Variants in NKX2-5 observed in about 807,000 individuals in gnomAD.
The protein encoded by NKX2-5 is homeobox protein Nkx-2.5.
A neutral mutation model predicts 24.5 loss-of-function variants in NKX2-5; 3 were observed. That is an observed-to-expected ratio of 0.12 (90% CI 0.06 to 0.32). The LOEUF is 0.32. Ranked by LOEUF, NKX2-5 falls within the 10% of genes least tolerant of loss-of-function variation. The probability of loss-of-function intolerance (pLI) is 1.00; values close to 1 mark genes in which losing one functional copy is unlikely to be tolerated. For synonymous variants in NKX2-5, 215 were observed against 217.6 expected, an observed-to-expected ratio of 0.99 and a Z score of 0.11; for missense variants, 429 against 452.4, an observed-to-expected ratio of 0.95 and a Z score of 0.47.
At position 173,235,111 on chromosome 5, in the gene NKX2-5, G is replaced by C; in HGVS notation, c.-28C>G. The stretch of plus-strand genomic sequence containing the variant: ...TGGCAGCGCCAGTCTCACAGCGCCA[G>C]GTGGGCGGCAGAAAGCGGCGCTGCC... On this transcript the variant is annotated 5_prime_UTR_variant, in exon 1 of 2. Transcript: ENST00000329198. 1.3e-6 allele frequency: 2 copies of C among 1,583,714 alleles called. No homozygotes were observed. Among genetic ancestry groups the C allele is most frequent in the South Asian group, 1.1e-5 (1 of 87,132 alleles).
At chr5:173,233,331 G>C in intron 1 of NKX2-5, 122 bp from the exon 2 acceptor site, 1 of 1,537,306 alleles carries the variant, frequency 6.5e-7, no homozygotes, top group African/African-American at 1.4e-5. Context: ...GGAGCGCCCA[G>C]CTGGCTGCGG....
Position 173,232,482 on chromosome 5 carries a change from G to A in NKX2-5, c.*87C>T. On this transcript the variant is annotated 3_prime_UTR_variant, in exon 2 of 2. Transcript: ENST00000329198. The surrounding 1 kb of genome is among the most constrained non-coding windows in gnomAD (Gnocchi z 5.9). ...TGAATGCAAAATCCAGGGGACTCAG[G>A]GTCATGTTGGGAGCCCCTTCTCCCC... 1 of 1,564,962 alleles carries A rather than the reference G, an allele frequency of 6.4e-7. No individual in the cohort carries two copies. The highest frequency in any genetic ancestry group is 1.3e-5 in the African/African-American group (1 of 74,344).
chr5:173,233,320 T>C (rs1267123095), intron 1 of NKX2-5, 111 bp from the exon 2 acceptor site: 5 of 1,538,540 alleles, frequency 3.2e-6, no homozygotes, highest in Non-Finnish European at 4.4e-6. Flanking sequence ...GTGTCCTGCC[T>C]GGAGCGCCCA....
Position 173,232,563 on chromosome 5 carries a change from C to G in NKX2-5, c.*6G>C, listed in dbSNP as rs760405249. On this transcript the variant is annotated 3_prime_UTR_variant, in exon 2 of 2. Coordinates refer to ENST00000329198, the MANE Select transcript of NKX2-5 (RefSeq NM_004387.4). The surrounding 1 kb of genome is among the most constrained non-coding windows in gnomAD (Gnocchi z 5.9). ...CGGTCAGGGTCGCGCCACGCGGGTC[C>G]CTTCCCTACCAGGCTCGGATACCAT... The G allele has an allele frequency of 6.2e-7, 1 of 1,606,356 alleles. No homozygotes were observed. Among genetic ancestry groups the G allele is most frequent in the Non-Finnish European group, 8.5e-7 (1 of 1,179,946 alleles).
chr5:173,232,568 C>T lies in NKX2-5; in HGVS notation c.*1G>A. 2 of 1,607,418 alleles carry T rather than the reference C, an allele frequency of 1.2e-6. No homozygotes were observed. Among genetic ancestry groups the T allele is most frequent in the Non-Finnish European group, 1.7e-6 (2 of 1,179,962 alleles). ...AGGGTCGCGCCACGCGGGTCCCTTC[C>T]CTACCAGGCTCGGATACCATGCAGC... On this transcript the variant is annotated 3_prime_UTR_variant, in exon 2 of 2. Transcript: ENST00000329198. This position sits in a 1 kb window ranked among gnomAD's most constrained non-coding sequence, Gnocchi z 5.9.
Position 173,233,134 on chromosome 5 carries a change from C to T in NKX2-5, c.410G>A (p.Arg137Gln), listed in dbSNP as rs761127819. 3.1e-5 allele frequency: 49 copies of T among 1,601,848 alleles called. 2 individuals are homozygous for T. In the South Asian group the frequency reaches 5.4e-4, roughly 17 times the overall value. ...GAAGAGCACGCGCGGCTTCCTCCGC[C>T]GTCGCGCCCGGGGCCGCTCCGCGTT... Reference protein sequence around the residue: ...ADNAERPRARRRRKPRVLFSQ... With the variant: ...ADNAERPRARQRRKPRVLFSQ... Residue 137 changes from arginine (R) to glutamine (Q), a missense_variant, in exon 2 of 2, where the codon CGG becomes CAG. Physicochemically the swap from Arg to Gln is conservative, Grantham distance 43. Around this residue, in one of 3 missense-constraint regions of NKX2-5, gnomAD observed 240 missense variants for 240.4 expected, o/e 1.00. Transcript: ENST00000329198.
At position 173,235,014 on chromosome 5, in the gene NKX2-5, G is replaced by A; in HGVS notation, c.70C>T (p.Gln24Ter). The part of the protein sequence containing the change: ...VKDILNLEQQ[Q>*]RSLAAAGELS... ...TCTCCGGCGGCAGCCAGGCTGCGCT[G>A]CTGCTGTTCCAGGTTTAGGATGTCT... The change falls in exon 1 of 2, where the codon CAG (glutamine) becomes TAG (stop). Residue 24 changes from glutamine (Q) to a stop codon, truncating the protein, a stop_gained. Coordinates refer to ENST00000329198, the MANE Select transcript of NKX2-5 (RefSeq NM_004387.4). LOFTEE classifies it high-confidence loss of function. 1 of 1,612,322 alleles carries A rather than the reference G, an allele frequency of 6.2e-7. No homozygotes were observed. The highest frequency in any genetic ancestry group is 1.3e-5 in the African/African-American group (1 of 74,960).
rs1165063212 is a variant in NKX2-5, at chr5:173,232,778, A to T, written c.766T>A (p.Tyr256Asn). ...NPYGYNAYPA[Y>N]PGYGGAACSP... ...CAGGCCGCGCCGCCGTAACCCGGAT[A>T]GGCGGGGTAGGCGTTATAACCGTAG... Residue 256 changes from tyrosine to asparagine, a missense_variant, in exon 2 of 2, where the codon TAT (tyrosine) becomes AAT (asparagine). By Grantham distance (143) the Tyr-to-Asn change is moderately radical (BLOSUM62 -2). This residue lies in a region of NKX2-5 where 183 missense variants were observed against 185.9 expected (regional missense o/e 0.98). Coordinates refer to ENST00000329198, the MANE Select transcript of NKX2-5 (RefSeq NM_004387.4). This position sits in a 1 kb window ranked among gnomAD's most constrained non-coding sequence, Gnocchi z 5.9. The T allele has an allele frequency of 6.2e-7, 1 of 1,609,978 alleles. No individual in the cohort carries two copies. Among genetic ancestry groups the T allele is most frequent in the Non-Finnish European group, 8.5e-7 (1 of 1,178,352 alleles).
chr5:173,233,566 G>T (rs1761390143), intron 1 of NKX2-5: 4 of 818,092 alleles, frequency 4.9e-6, no homozygotes, highest in South Asian at 3.4e-5. Context: ...TGATGCTCTG[G>T]GGTGAACTGA....
chr5:173,234,941 A>C lies in NKX2-5; in HGVS notation c.143T>G (p.Leu48Arg). ...EATLAPSSCM[L>R]AAFKPEAYAG... ...GTAGGCCTCTGGCTTGAAGGCGGCC[A>C]GCATGCAGGAGGAGGGCGCCAGGGT... is the stretch of plus-strand genomic sequence containing the variant. Residue 48 changes from leucine (L) to arginine (R), a missense_variant, in exon 1 of 2, where the codon CTG (leucine) becomes CGG (arginine). Physicochemically the swap from Leu to Arg is moderately radical, Grantham distance 102 (BLOSUM62 -2). Coordinates refer to ENST00000329198, the MANE Select transcript of NKX2-5 (RefSeq NM_004387.4). 6 of 1,611,514 alleles carry C rather than the reference A, an allele frequency of 3.7e-6. No individual in the cohort carries two copies. The highest frequency in any genetic ancestry group is 5.1e-6 in the Non-Finnish European group (6 of 1,179,250).
chr5:173,234,056 C>T (rs1481191818), intron 1 of NKX2-5: 1 of 1,289,406 alleles, frequency 7.8e-7, no homozygotes, highest in African/African-American at 1.5e-5. Flanking sequence ...TCATCTCGTC[C>T]ACTCCCTTGT....
chr5:173,234,697 T>TG, intron 1 of NKX2-5, 53 bp downstream of exon 1: 1 of 1,422,320 alleles, frequency 7.0e-7, no homozygotes, highest in Non-Finnish European at 9.3e-7. Flanking sequence ...CTGAGTTTCT[T>TG]GGGGACGAAA....
At position 173,232,641 on chromosome 5, in the gene NKX2-5, A is replaced by T. The variant is rs763688050; in HGVS notation, c.903T>A (p.Asn301Lys). 3.7e-6 allele frequency: 6 copies of T among 1,613,240 alleles called. No individual in the cohort carries two copies. The East Asian group carries it at 1.3e-4, about 36-fold the overall frequency. ...GCGGAATCCCGGGGCTCTGAACCGC[A>T]TTCAAGTCCCCGACGCCGAAGTTCA... ...NFVNFGVGDL[N>K]AVQSPGIPQS... is the part of the protein sequence containing the mutation. Residue 301 changes from asparagine to lysine, a missense_variant, in exon 2 of 2, where the codon AAT becomes AAA. Physicochemically the swap from Asn to Lys is moderately conservative, Grantham distance 94. Around this residue, in one of 3 missense-constraint regions of NKX2-5, gnomAD observed 183 missense variants for 185.9 expected, o/e 0.98. Coordinates refer to ENST00000329198, the MANE Select transcript of NKX2-5 (RefSeq NM_004387.4). This position sits in a 1 kb window ranked among gnomAD's most constrained non-coding sequence, Gnocchi z 5.9.
Position 173,232,707 on chromosome 5 carries a change from G to C in NKX2-5, c.837C>G (p.Ser279=). Residue 279 remains serine (S), a synonymous_variant, in exon 2 of 2, where the codon TCC becomes TCG. Transcript: ENST00000329198. This position sits in a 1 kb window ranked among gnomAD's most constrained non-coding sequence, Gnocchi z 5.9. ...CGGCGGCAGTGGCCGGCTGCGCTGG[G>C]GAAGGCCCGGCGGGGTAAGCGGCAG... is the stretch of plus-strand genomic sequence containing the variant. ...SCTAAYPAGP[S]PAQPATAAAN... The C allele has an allele frequency of 6.2e-7, 1 of 1,609,998 alleles. No individual in the cohort carries two copies. Among genetic ancestry groups the C allele is most frequent in the Non-Finnish European group, 8.5e-7 (1 of 1,177,820 alleles).
chr5:173,233,458 T>A (rs1374683310), intron 1 of NKX2-5: 3 of 1,492,998 alleles, frequency 2.0e-6, no homozygotes, highest in African/African-American at 1.4e-5. Flanking sequence ...TCGGGGCAGT[T>A]CACACCCTGG....
Position 173,233,166 on chromosome 5 carries a change from C to T in NKX2-5, c.378G>A (p.Glu126=), listed in dbSNP as rs754582136. The change falls in exon 2 of 2, where the codon GAG becomes GAA. Residue 126 remains glutamate (E), a synonymous_variant. Coordinates refer to ENST00000329198, the MANE Select transcript of NKX2-5 (RefSeq NM_004387.4). ...CCCGGGGCCGCTCCGCGTTGTCCGC[C>T]TCTGTCTTCTCCAGCTCCACCGCCT... ...LQKAVELEKT[E]ADNAERPRAR... 7.5e-6 allele frequency: 12 copies of T among 1,603,194 alleles called. No homozygotes were observed. In the South Asian group the frequency reaches 1.3e-4, roughly 18 times the overall value.
At position 173,233,518 on chromosome 5, in the gene NKX2-5, A is replaced by AT. The variant is rs1472230018; in HGVS notation, c.335-310_335-309insA. 1.4e-4 allele frequency: 94 copies of AT among 695,976 alleles called. 1 individual carries two copies. The highest frequency in any genetic ancestry group is 8.8e-4 in the African/African-American group (41 of 46,508). The allele number at this position is 695,976 out of a possible 1,614,324, so 43.1% of individuals were successfully genotyped here. ...AATTTCAGGCTGCAAAAAAAAAAAAAATAAATAAAAAAATAAAAAAATAAA... is the reference window on the plus strand; with the variant it reads ...AATTTCAGGCTGCAAAAAAAAAAAAATATAAATAAAAAAATAAAAAAATAAA... On this transcript the variant is annotated intron_variant, in intron 1 of 1. Transcript: ENST00000329198.
At chr5:173,234,522 T>G (rs977753862) in intron 1 of NKX2-5, among the ~76,000 whole-genome samples, 1 of 151,754 alleles carries the variant, frequency 6.6e-6, no homozygotes, top group Non-Finnish European at 1.5e-5. Context: ...GGGGGAAACG[T>G]TTTTTGGTCT....
intron 1 of NKX2-5, 59 bp from the exon 2 acceptor site, chr5:173,233,268 G>A: frequency 1.3e-6 from 2 of 1,568,778 alleles, no homozygotes; most frequent in East Asian, 4.6e-5. Context: ...CCTACGGAGC[G>A]CGGCCGCACA....
Sources: gnomAD v4.1 joint callset for allele counts (sites outside exome capture counted in the v4.1 genomes callset) on GRCh38, gnomAD v4.1.1 for gene constraint, gnomAD v4.1.1 regional missense constraint, Gnocchi (gnomAD v3.1) non-coding constraint, MANE v1.5 for transcripts, NCBI Gene and HGNC (gene_info 2026-07-23, HGNC 2026-07-21) for gene names.